Variants in LYST observed in about 807,000 individuals in gnomAD.
LYST encodes lysosomal trafficking regulator.
In LYST, 192 loss-of-function variants were observed where a neutral mutation model predicts 413.6. The observed-to-expected ratio is 0.46, with a 90% CI of 0.41 to 0.52. LYST has a LOEUF of 0.52. LYST is among the 20% of genes least tolerant of loss of function. The pLI is 0.00. For synonymous variants in LYST, 1,525 were observed against 1,567.3 expected (o/e 0.97, Z 0.64); for missense variants, 3,815 against 4,499.9 (o/e 0.85, Z 4.35).
In LYST at chr1:235,806,412, G is replaced by A. The variant is rs201440611; in HGVS notation, c.2724C>T (p.Cys908=). 19 of 1,613,870 alleles carry A rather than the reference G, an allele frequency of 1.2e-5. No individual in the cohort carries two copies. The highest frequency in any genetic ancestry group is 1.1e-4 in the African/African-American group (8 of 74,972). ...TGTCAGACTCTGCTTCTTTACTTAC[G>A]CATAAAAAAGCCACACAGAGGAATA... ...INLFLCVAFL[C]VSKEAESDRE... Residue 908 remains cysteine (C), a synonymous_variant, in exon 6 of 53, where the codon TGC becomes TGT. Transcript: ENST00000389793.
intron 23 of LYST, 137 bp downstream of exon 23, chr1:235,758,835 T>C (rs1199922001): frequency 2.8e-6 from 2 of 718,582 alleles, no homozygotes; most frequent in Non-Finnish European, 4.7e-6. Context: ...TGTTTGTTAT[T>C]ATTATGTATA....
At position 235,798,849 on chromosome 1, in the gene LYST, T is replaced by C. The variant is rs890941295; in HGVS notation, c.4006+1471A>G. Reference sequence around the variant, plus strand: ...CGTGCAGGGGAGGGTTAAGGTGCAATAGGCAATAAATGCTAAAGGGTACAG... The same window carrying C: ...CGTGCAGGGGAGGGTTAAGGTGCAACAGGCAATAAATGCTAAAGGGTACAG... On this transcript the variant is annotated intron_variant, in intron 10 of 52. Transcript: ENST00000389793. Among the ~76,000 whole-genome samples, 7 of 152,030 alleles carry C rather than the reference T, an allele frequency of 4.6e-5. No homozygotes were observed. In the East Asian group the frequency reaches 1.2e-3, roughly 25 times the overall value.
intron 1 of LYST, among the ~76,000 whole-genome samples, chr1:235,839,082 C>T (rs1345572609): frequency 6.6e-6 from 1 of 152,102 alleles, no homozygotes; most frequent in Non-Finnish European, 1.5e-5. Context: ...GCCTTGACTT[C>T]CCAAAGTGTT....
intron 48 of LYST, among the ~76,000 whole-genome samples, chr1:235,685,865 A>C (rs931082305): frequency 6.1e-5 from 9 of 148,674 alleles, no homozygotes; most frequent in Admixed American, 1.3e-4. Context: ...CAAAAAAAAA[A>C]AAACAAACAA....
chr1:235,769,862 C>G (rs1668490085), intron 20 of LYST, among the ~76,000 whole-genome samples: 1 of 151,970 alleles, frequency 6.6e-6, no homozygotes, highest in South Asian at 2.1e-4. Context: ...ATTAACTATT[C>G]TTGCTGTTCA....
chr1:235,800,954 G>T lies in LYST; in HGVS notation c.3856C>A (p.Leu1286Ile). The change falls in exon 9 of 53, where the codon CTT becomes ATT. Residue 1286 changes from leucine (L) to isoleucine (I), a missense_variant. This residue lies in a region of LYST where 1,648 missense variants were observed against 1,810.3 expected (regional missense o/e 0.91). Coordinates refer to ENST00000389793, the MANE Select transcript of LYST (RefSeq NM_000081.4). ...LNLLSASKAK[L>I]DVLAHVFESF... is the part of the protein sequence containing the mutation. ...TCAAATACATGGGCAAGCACATCAA[G>T]TTTGGCTTTACTAGCAGAAAGCAAA... is the stretch of plus-strand genomic sequence containing the variant. 6.2e-7 allele frequency: 1 copy of T among 1,613,744 alleles called. No homozygotes were observed. The highest frequency in any genetic ancestry group is 2.2e-5 in the East Asian group (1 of 44,794).
intron 5 of LYST, 36 bp downstream of exon 5, chr1:235,808,419 A>T (rs763240124): frequency 1.5e-5 from 24 of 1,600,566 alleles, no homozygotes; most frequent in Non-Finnish European, 1.7e-5. Context: ...ATGCTCAACA[A>T]CCCCCGCCCC....
In LYST at chr1:235,741,451, G is replaced by A. The variant is rs1222175013; in HGVS notation, c.8329C>T (p.Leu2777=). 1.9e-6 allele frequency: 3 copies of A among 1,614,058 alleles called. No homozygotes were observed. The highest frequency in any genetic ancestry group is 2.2e-5 in the South Asian group (2 of 91,078). Reference sequence around the variant, plus strand: ...AGGGATGGGCTGAGACAGTCTCGTAGTATTTCCTGATGATTTGGTTCATGA... The same window carrying A: ...AGGGATGGGCTGAGACAGTCTCGTAATATTTCCTGATGATTTGGTTCATGA... The part of the protein sequence containing the change: ...IVHEPNHQEI[L]RDCLSPSLQH... The change falls in exon 31 of 53, where the codon CTA becomes TTA. Residue 2777 remains leucine (L), a synonymous_variant. Transcript: ENST00000389793.
chr1:235,717,603 G>A (rs1358672866), intron 40 of LYST, among the ~76,000 whole-genome samples: 1 of 152,100 alleles, frequency 6.6e-6, no homozygotes, highest in Non-Finnish European at 1.5e-5. Flanking sequence ...ACAGGCATGG[G>A]ACCACCTGGA....
At chr1:235,731,301 GT>G in intron 34 of LYST, 124 bp from the exon 35 acceptor site, 2 of 839,936 alleles carry the variant, frequency 2.4e-6, no homozygotes, top group Non-Finnish European at 4.0e-6. Flanking sequence ...AACTCCAAAT[GT>G]TTATATATTT....
chr1:235,804,357 T>C (rs1274726540), intron 7 of LYST, 147 bp downstream of exon 7: 2 of 722,798 alleles, frequency 2.8e-6, no homozygotes, highest in Non-Finnish European at 5.0e-6. Flanking sequence ...CACATATCCA[T>C]CACGAGGAGA....
intron 1 of LYST, chr1:235,852,890 A>G (rs569038150): frequency 5.9e-6 from 1 of 169,116 alleles, no homozygotes; most frequent in South Asian, 2.1e-4. Flanking sequence ...GTCCTATCCA[A>G]TGTTTTTCCT....
At chr1:235,712,030 T>G (rs1477313570) in intron 43 of LYST, 27 bp downstream of exon 43, 1 of 1,494,940 alleles carries the variant, frequency 6.7e-7, no homozygotes, top group Non-Finnish European at 9.0e-7. Context: ...CTCAGAAATA[T>G]AAATTAAAAA....
chr1:235,702,525 C>T (rs769094461), intron 45 of LYST, among the ~76,000 whole-genome samples: 1 of 152,198 alleles, frequency 6.6e-6, no homozygotes, highest in Non-Finnish European at 1.5e-5. Context: ...CCGTCTGAAA[C>T]GATGAATTCT....
intron 29 of LYST, among the ~76,000 whole-genome samples, chr1:235,744,513 C>T (rs1038643749): frequency 2.0e-5 from 3 of 152,024 alleles, no homozygotes; most frequent in African/African-American, 7.3e-5. Flanking sequence ...TCTGCATGTG[C>T]TATACATTTA....
intron 1 of LYST, among the ~76,000 whole-genome samples, chr1:235,857,650 G>C (rs1479080064): frequency 6.6e-6 from 1 of 151,558 alleles, no homozygotes; most frequent in East Asian, 1.9e-4. Flanking sequence ...AACCAAAAAA[G>C]AGGGGGGTGT....
chr1:235,828,836 G>A, intron 3 of LYST: 1 of 755,926 alleles, frequency 1.3e-6, no homozygotes, highest in Non-Finnish European at 1.6e-6. Flanking sequence ...TTTATTTACA[G>A]AAAAGTCATA....
At chr1:235,765,574 T>G (rs1668057538) in intron 21 of LYST, among the ~76,000 whole-genome samples, 1 of 152,212 alleles carries the variant, frequency 6.6e-6, no homozygotes, top group Admixed American at 6.5e-5. Context: ...TATTTCTCAC[T>G]ATTCCTTTAC....
At chr1:235,792,224 C>T in intron 11 of LYST, 99 bp from the exon 12 acceptor site, 3 of 743,354 alleles carry the variant, frequency 4.0e-6, no homozygotes, top group Non-Finnish European at 6.8e-6. Flanking sequence ...AACATACCCA[C>T]ACATATCAGC....
Sources: allele counts gnomAD v4.1 joint callset (sites outside exome capture counted in the v4.1 genomes callset), GRCh38; gene constraint gnomAD v4.1.1; regional missense constraint gnomAD v4.1.1; transcripts MANE v1.5; gene names NCBI Gene and HGNC (gene_info 2026-07-23, HGNC 2026-07-21).